Variants in ARK2N observed in about 807,000 individuals in gnomAD.
The protein encoded by ARK2N is arkadia (RNF111) N-terminal like PKA signaling regulator 2N, also known as protein ARK2N.
the ARK2N span, among the ~76,000 whole-genome samples, chr18:46,255,743 G>C: frequency 9.1e-3 from 1,376 of 151,590 alleles, 43 homozygotes; most frequent in East Asian, 0.12. Flanking sequence ...GAGCCACCGC[G>C]CTTGGCCTCT....
chr18:46,257,410 T>C, the ARK2N span, among the ~76,000 whole-genome samples: 3 of 152,216 alleles, frequency 2.0e-5, no homozygotes, highest in East Asian at 5.8e-4. Context: ...TATTCATTTC[T>C]CTTTTGTGTA....
At chr18:46,216,942 T>C in the ARK2N span, 1 of 212,880 alleles carries the variant, frequency 4.7e-6, no homozygotes, top group Admixed American at 5.2e-5. The surrounding 1 kb of genome is among the most constrained non-coding windows in gnomAD (Gnocchi z 4.3). Flanking sequence ...TCGGCATCAT[T>C]ACTGAGTACA....
chr18:46,192,065 G>A, the ARK2N span, among the ~76,000 whole-genome samples: 51 of 152,198 alleles, frequency 3.4e-4, 1 homozygote, highest in South Asian at 8.3e-3. Flanking sequence ...ATAGTAAGTC[G>A]CTTCCAATTT....
chr18:46,205,960 A>G, the ARK2N span, among the ~76,000 whole-genome samples: 1 of 151,700 alleles, frequency 6.6e-6, no homozygotes, highest in African/African-American at 2.4e-5. Context: ...TAACTCCTGG[A>G]CTGAAGCTAC....
At chr18:46,214,204 A>G in the ARK2N span, among the ~76,000 whole-genome samples, 2 of 152,188 alleles carry the variant, frequency 1.3e-5, no homozygotes, top group Admixed American at 1.3e-4. Flanking sequence ...TTTTGCAAAT[A>G]TTTCCTAGTT....
the ARK2N span, among the ~76,000 whole-genome samples, chr18:46,198,306 T>A: frequency 1.4e-5 from 1 of 69,180 alleles, no homozygotes; most frequent in African/African-American, 5.8e-5. Flanking sequence ...CCAGACTCCA[T>A]CTCCAAAAAA....
the ARK2N span, chr18:46,216,398 G>A: frequency 1.2e-6 from 2 of 1,614,076 alleles, no homozygotes; most frequent in South Asian, 2.2e-5. This position sits in a 1 kb window ranked among gnomAD's most constrained non-coding sequence, Gnocchi z 4.3. Flanking sequence ...AAGGTTAAAG[G>A]TCATCGGAGC....
chr18:46,208,464 C>CTTTTTTTTTTTTTTTTTTTTT, the ARK2N span, among the ~76,000 whole-genome samples: 1 of 68,364 alleles, frequency 1.5e-5, no homozygotes, highest in African/African-American at 4.9e-5. Context: ...GTTCTTAAAT[C>CTTTTTTTTTTTTTTTTTTTTT]TTTTTTTTTT....
chr18:46,261,019 T>C, the ARK2N span, among the ~76,000 whole-genome samples: 1 of 152,230 alleles, frequency 6.6e-6, no homozygotes, highest in Non-Finnish European at 1.5e-5. Flanking sequence ...ACTTCGGAGA[T>C]ATTTTTAGAA....
chr18:46,189,665 GT>G, the ARK2N span, among the ~76,000 whole-genome samples: 4,327 of 152,166 alleles, frequency 0.028, 183 homozygotes, highest in African/African-American at 0.098. Context: ...GGAGGGTAGA[GT>G]TTGATACCAG....
chr18:46,207,222 C>G, the ARK2N span, among the ~76,000 whole-genome samples: 709 of 152,254 alleles, frequency 4.7e-3, 2 homozygotes, highest in Non-Finnish European at 7.1e-3. Flanking sequence ...GCTTCTTGAA[C>G]TATCCATTGT....
At chr18:46,185,816 G>A in the ARK2N span, among the ~76,000 whole-genome samples, 4 of 152,134 alleles carry the variant, frequency 2.6e-5, no homozygotes, top group African/African-American at 9.6e-5. Context: ...ATGAAACCCC[G>A]ACTCTACTAA....
chr18:46,202,649 G>C, the ARK2N span, among the ~76,000 whole-genome samples: 1 of 151,742 alleles, frequency 6.6e-6, no homozygotes, highest in Non-Finnish European at 1.5e-5. Context: ...TTAGCTGGGC[G>C]TAGTGGCGGG....
At chr18:46,256,402 G>GT in the ARK2N span, among the ~76,000 whole-genome samples, 1 of 126,496 alleles carries the variant, frequency 7.9e-6, no homozygotes, top group Non-Finnish European at 1.7e-5. Flanking sequence ...ATCATTAAAT[G>GT]TTTATCTTCT....
the ARK2N span, chr18:46,266,992 A>G: frequency 7.6e-6 from 1 of 132,052 alleles, no homozygotes; most frequent in Admixed American, 9.0e-5. Context: ...TTAAACAATG[A>G]TATCTTCTGA....
chr18:46,188,026 C>T, the ARK2N span, among the ~76,000 whole-genome samples: 2 of 152,106 alleles, frequency 1.3e-5, no homozygotes, highest in South Asian at 4.1e-4. Context: ...ATTTGGCATA[C>T]ATTGAGCATA....
chr18:46,194,559 G>A, the ARK2N span, among the ~76,000 whole-genome samples: 1 of 151,002 alleles, frequency 6.6e-6, no homozygotes, highest in Non-Finnish European at 1.5e-5. Context: ...TGCAGCCTCC[G>A]CCTCCTGGGT....
the ARK2N span, among the ~76,000 whole-genome samples, chr18:46,221,096 T>C: frequency 5.9e-5 from 9 of 152,114 alleles, no homozygotes; most frequent in South Asian, 1.7e-3. Context: ...TGATTGAGCC[T>C]CTGCACTCCA....
chr18:46,253,900 T>C, the ARK2N span: 1 of 1,468,968 alleles, frequency 6.8e-7, no homozygotes, highest in Non-Finnish European at 9.2e-7. Context: ...TAAAAGAAAA[T>C]GGTAGACTTT....
Sources: gnomAD v4.1 joint callset for allele counts (sites outside exome capture counted in the v4.1 genomes callset) on GRCh38, gnomAD v4.1.1 for gene constraint, Gnocchi (gnomAD v3.1) non-coding constraint, MANE v1.5 for transcripts, NCBI Gene and HGNC (gene_info 2026-07-23, HGNC 2026-07-21) for gene names.